The following NOS1AP variants were observed in gnomAD, a reference collection of about 807,000 sequenced individuals.
NOS1AP encodes nitric oxide synthase 1 adaptor protein.
In NOS1AP, 21 loss-of-function variants were observed where a neutral mutation model predicts 56.2. The ratio of observed to expected loss-of-function variants is 0.37; its 90% CI spans 0.26 to 0.54. The LOEUF (loss-of-function observed/expected upper bound fraction) is 0.54. NOS1AP is among the 20% of genes least tolerant of loss of function. The probability of loss-of-function intolerance (pLI) is 0.84; values close to 1 mark genes in which losing one functional copy is unlikely to be tolerated. For synonymous variants in NOS1AP, 270 were observed against 274.6 expected (o/e 0.98, Z 0.17); for missense variants, 522 against 657.8 (o/e 0.79, Z 2.26).
At chr1:162,092,907 G>T (rs1206758497) in intron 1 of NOS1AP, among the ~76,000 whole-genome samples, 1 of 152,158 alleles carries the variant, frequency 6.6e-6, no homozygotes, top group Non-Finnish European at 1.5e-5. Flanking sequence ...AGCGGCAAGT[G>T]TTTGGCTGCT....
chr1:162,317,023 G>A (rs1656251137), intron 4 of NOS1AP: 1 of 153,806 alleles, frequency 6.5e-6, no homozygotes, highest in Non-Finnish European at 1.4e-5. Context: ...TGATAAGGGG[G>A]TGGGTGGGAG....
At chr1:162,258,752 A>G (rs1053072687) in intron 2 of NOS1AP, among the ~76,000 whole-genome samples, 1 of 152,162 alleles carries the variant, frequency 6.6e-6, no homozygotes, top group East Asian at 1.9e-4. Context: ...GCTCTGAAGG[A>G]GGGTGAGAGT....
chr1:162,318,000 A>G (rs1242743457), intron 4 of NOS1AP, among the ~76,000 whole-genome samples: 1 of 152,178 alleles, frequency 6.6e-6, no homozygotes, highest in Non-Finnish European at 1.5e-5. Context: ...CAAGAAAGGG[A>G]GAGGGATACA....
At chr1:162,071,408 C>A (rs1000556865) in intron 1 of NOS1AP, among the ~76,000 whole-genome samples, 1 of 152,224 alleles carries the variant, frequency 6.6e-6, no homozygotes, top group African/African-American at 2.4e-5. Flanking sequence ...CTTCAATTCA[C>A]ACATTTTTCG....
Position 162,301,253 on chromosome 1 carries a change from G to T in NOS1AP, c.344+547G>T, listed in dbSNP as rs114844344. On this transcript the variant is annotated intron_variant, in intron 4 of 9. Transcript: ENST00000361897. ...GAGTTAGGAGTTGAGACCTTTGGGGGTGATTAAGTCATGAGGGTGGGGCCC... is the reference window on the plus strand; with the variant it reads ...GAGTTAGGAGTTGAGACCTTTGGGGTTGATTAAGTCATGAGGGTGGGGCCC... Among the ~76,000 whole-genome samples the T allele has an allele frequency of 7.2e-3, 1,097 of 152,196 alleles. 10 individuals carry two copies. Among genetic ancestry groups the T allele is most frequent in the African/African-American group, 0.025 (1,030 of 41,530 alleles).
intron 2 of NOS1AP, among the ~76,000 whole-genome samples, chr1:162,257,852 C>T (rs937745454): frequency 1.3e-5 from 2 of 152,000 alleles, no homozygotes; most frequent in Non-Finnish European, 2.9e-5. Context: ...CCTGGCTTAG[C>T]CTTTGTCTCT....
At chr1:162,185,970 T>A (rs1165184669) in intron 2 of NOS1AP, among the ~76,000 whole-genome samples, 1 of 152,218 alleles carries the variant, frequency 6.6e-6, no homozygotes, top group Non-Finnish European at 1.5e-5. Context: ...CTAAGCCTGA[T>A]AAGATGCTGC....
At chr1:162,183,032 G>A (rs1651313925) in intron 2 of NOS1AP, among the ~76,000 whole-genome samples, 1 of 152,168 alleles carries the variant, frequency 6.6e-6, no homozygotes, top group East Asian at 1.9e-4. Context: ...GTCCTTCAGA[G>A]GAGTCACTAT....
At chr1:162,329,867 A>G (rs959684044) in intron 4 of NOS1AP, among the ~76,000 whole-genome samples, 1 of 152,230 alleles carries the variant, frequency 6.6e-6, no homozygotes, top group African/African-American at 2.4e-5. Context: ...GCTAGAGATT[A>G]TTTACTTTTA....
intron 1 of NOS1AP, among the ~76,000 whole-genome samples, chr1:162,108,282 G>C (rs1025963662): frequency 6.6e-6 from 1 of 152,158 alleles, no homozygotes; most frequent in African/African-American, 2.4e-5. Flanking sequence ...TGTTGTAGAA[G>C]GACTCAGGAA....
intron 1 of NOS1AP, among the ~76,000 whole-genome samples, chr1:162,086,601 C>T (rs1239827428): frequency 1.3e-5 from 2 of 152,170 alleles, no homozygotes; most frequent in African/African-American, 2.4e-5. Flanking sequence ...TCTGGGTACA[C>T]TGCTTCACTC....
chr1:162,170,940 CAAA>C (rs71650179), intron 2 of NOS1AP, among the ~76,000 whole-genome samples: 1 of 128,310 alleles, frequency 7.8e-6, no homozygotes, highest in Non-Finnish European at 1.7e-5. Context: ...AACTCCATCT[CAAA>C]AAAAAAAAAA....
chr1:162,079,892 A>G (rs1159499059), intron 1 of NOS1AP, among the ~76,000 whole-genome samples: 1 of 152,208 alleles, frequency 6.6e-6, no homozygotes, highest in African/African-American at 2.4e-5. Flanking sequence ...ATCAGACAGC[A>G]TGACTACTTT....
chr1:162,120,693 C>G (rs190668998), intron 1 of NOS1AP, among the ~76,000 whole-genome samples: 51 of 152,318 alleles, frequency 3.3e-4, no homozygotes, highest in Non-Finnish European at 6.2e-4. Flanking sequence ...AACCGCCCCC[C>G]CCATGATTCG....
At chr1:162,082,796 T>G (rs959308775) in intron 1 of NOS1AP, among the ~76,000 whole-genome samples, 1 of 152,184 alleles carries the variant, frequency 6.6e-6, no homozygotes, top group Admixed American at 6.5e-5. Context: ...TACAAAACGC[T>G]GAAAAGGTCA....
intron 4 of NOS1AP, among the ~76,000 whole-genome samples, chr1:162,314,731 T>A (rs1269490314): frequency 6.6e-6 from 1 of 152,178 alleles, no homozygotes; most frequent in Non-Finnish European, 1.5e-5. Flanking sequence ...AGGAAAAAAA[T>A]CATTCTTGCA....
chr1:162,280,854 A>T (rs1014336013), intron 2 of NOS1AP, among the ~76,000 whole-genome samples: 1 of 152,208 alleles, frequency 6.6e-6, no homozygotes, highest in African/African-American at 2.4e-5. Flanking sequence ...ATATTCTGGA[A>T]TTTAGATTCA....
At chr1:162,276,324 G>T (rs1217839262) in intron 2 of NOS1AP, among the ~76,000 whole-genome samples, 1 of 152,104 alleles carries the variant, frequency 6.6e-6, no homozygotes, top group African/African-American at 2.4e-5. Flanking sequence ...GTTACCTATG[G>T]TGATGGGCTG....
chr1:162,342,636 C>T (rs368484257), intron 5 of NOS1AP: 2 of 491,884 alleles, frequency 4.1e-6, no homozygotes, highest in Non-Finnish European at 8.5e-6. Flanking sequence ...TTACTACCTT[C>T]AACAAGGCCT....
Sources: gnomAD v4.1 joint callset for allele counts (sites outside exome capture counted in the v4.1 genomes callset) on GRCh38, gnomAD v4.1.1 for gene constraint, MANE v1.5 for transcripts, NCBI Gene and HGNC (gene_info 2026-07-23, HGNC 2026-07-21) for gene names.